The following LAIR1 variants were observed in gnomAD, a reference collection of about 807,000 sequenced individuals.
The protein encoded by LAIR1 is leukocyte-associated immunoglobulin-like receptor 1.
In LAIR1, 24 loss-of-function variants were observed where a neutral mutation model predicts 32.8. The observed-to-expected ratio is 0.73, with a 90% CI of 0.53 to 1.03. LAIR1 has a LOEUF of 1.03. Among genes scored for constraint, LAIR1 ranks in the 50% least tolerant of loss-of-function variants. LAIR1 has a pLI of 0.00. For synonymous variants in LAIR1, 150 were observed against 140.5 expected, an observed-to-expected ratio of 1.07 and a Z score of -0.48; for missense variants, 355 against 347.5, an observed-to-expected ratio of 1.02 and a Z score of -0.17.
upstream of LAIR1, among the ~76,000 whole-genome samples, chr19:54,369,258 T>C (rs2082345524): frequency 6.6e-6 from 1 of 151,488 alleles, no homozygotes; most frequent in Admixed American, 6.6e-5. Flanking sequence ...CTGCATTTAC[T>C]TCCCTCTCTG....
chr19:54,357,869 T>G (rs1396844156), intron 4 of LAIR1: 1 of 151,162 alleles, frequency 6.6e-6, no homozygotes, highest in African/African-American at 2.4e-5. Context: ...CACCACCCGT[T>G]ATTCTACACC....
chr19:54,371,153 C>G (rs905617487), upstream of LAIR1, among the ~76,000 whole-genome samples: 1 of 151,230 alleles, frequency 6.6e-6, no homozygotes, highest in Non-Finnish European at 1.5e-5. Flanking sequence ...TATACTCCAG[C>G]CTGTTTCCCC....
chr19:54,371,252 G>A (rs775864277), upstream of LAIR1, among the ~76,000 whole-genome samples: 2 of 151,120 alleles, frequency 1.3e-5, no homozygotes, highest in South Asian at 2.1e-4. Flanking sequence ...TCTCATCGAT[G>A]TACCTATTTG....
intron 4 of LAIR1, among the ~76,000 whole-genome samples, chr19:54,357,843 G>A (rs961406370): frequency 6.6e-6 from 1 of 151,772 alleles, no homozygotes; most frequent in Non-Finnish European, 1.5e-5. Flanking sequence ...CCTCGTCCAC[G>A]GTCTAAGGTC....
chr19:54,367,576 C>G (rs971072224), upstream of LAIR1, among the ~76,000 whole-genome samples: 36 of 151,274 alleles, frequency 2.4e-4, no homozygotes, highest in Admixed American at 1.6e-3. Context: ...GAAACCCCGT[C>G]TCTACTAAAA....
chr19:54,373,369 G>A (rs373529308), upstream of LAIR1, among the ~76,000 whole-genome samples: 163 of 150,910 alleles, frequency 1.1e-3, 4 homozygotes, highest in South Asian at 0.029. Context: ...GCATGAACCC[G>A]GGAGGCGGAG....
At position 54,359,282 on chromosome 19, in the gene LAIR1, G is replaced by C. The variant is rs113105978; in HGVS notation, c.415+740C>G. Among the ~76,000 whole-genome samples the C allele has an allele frequency of 1.4e-3, 218 of 151,820 alleles. 3 individuals are homozygous for C. The South Asian group carries it at 0.015, about 10-fold the overall frequency. ...CTTATGACCCCGTGTCCTCCCCTGG[G>C]AGTTTCTGGTCACAGATCACAGGGG... On this transcript the variant is annotated intron_variant, in intron 4 of 9. Transcript: ENST00000391742.
intron 2 of LAIR1, among the ~76,000 whole-genome samples, chr19:54,363,533 C>G (rs2082120921): frequency 6.6e-6 from 1 of 152,190 alleles, no homozygotes; most frequent in Non-Finnish European, 1.5e-5. Flanking sequence ...GCCGCCAAGA[C>G]CTGGCAAGAA....
At chr19:54,356,295 A>T in intron 7 of LAIR1, 28 bp from the exon 8 acceptor site, 9 of 1,611,558 alleles carry the variant, frequency 5.6e-6, no homozygotes, top group Non-Finnish European at 7.6e-6. Flanking sequence ...AGTGAACCTC[A>T]GGGGCAGCCT....
At chr19:54,374,437 G>A (rs2082468960), upstream of LAIR1, among the ~76,000 whole-genome samples, 1 of 152,080 alleles carries the variant, frequency 6.6e-6, no homozygotes. Context: ...ATGAAGGACG[G>A]GGTCCACACG....
In LAIR1 at chr19:54,355,381, A is replaced by G; in HGVS notation, c.751T>C (p.Tyr251His). 1 of 1,611,796 alleles carries G rather than the reference A, an allele frequency of 6.2e-7. No homozygotes were observed. Among genetic ancestry groups the G allele is most frequent in the Non-Finnish European group, 8.5e-7 (1 of 1,178,892 alleles). The change falls in exon 10 of 10, where the codon TAT becomes CAT. Residue 251 changes from tyrosine (Y) to histidine (H), a missense_variant. Transcript: ENST00000391742. This position sits in a 1 kb window ranked among gnomAD's most constrained non-coding sequence, Gnocchi z 4.7. The stretch of plus-strand genomic sequence containing the variant: ...AGGGCCCAGTGGTCCAGCTGAGCAT[A>G]CGTCACCTCCTGGGAACTCCCTGCA... Reference protein sequence around the residue: ...LAAGSSQEVTYAQLDHWALTQ... With the variant: ...LAAGSSQEVTHAQLDHWALTQ...
chr19:54,358,496 T>A (rs781600566), intron 4 of LAIR1: 112 of 1,554,250 alleles, frequency 7.2e-5, no homozygotes, highest in Non-Finnish European at 9.5e-5. Flanking sequence ...TGTATATGCA[T>A]GTATGGGAAT....
chr19:54,351,510 C>A lies in LAIR1; in HGVS notation c.*3758G>T, dbSNP rs2081530669. ...TCAAGTGCATACTGCTTCCCAGATCCTACAAGAAAGGAGATTAAGGTGTAG... is the reference window on the plus strand; with the variant it reads ...TCAAGTGCATACTGCTTCCCAGATCATACAAGAAAGGAGATTAAGGTGTAG... On this transcript the variant is annotated 3_prime_UTR_variant, in exon 10 of 10. Transcript: ENST00000391742. 4 of 152,284 alleles carry A rather than the reference C, an allele frequency of 2.6e-5. No homozygotes were observed. The South Asian group carries it at 8.3e-4, about 32-fold the overall frequency. The allele number at this position is 152,284 out of a possible 1,614,324, so 9.4% of individuals were successfully genotyped here. A position where few individuals can be genotyped will look rare whatever the true frequency, so the allele number is the denominator to read the frequency against.
chr19:54,360,711 A>G, intron 3 of LAIR1: 1 of 595,902 alleles, frequency 1.7e-6, no homozygotes, highest in Non-Finnish European at 3.0e-6. Context: ...CGTGGCGTCC[A>G]GAGGAGACCA....
At chr19:54,361,662 T>A (rs1012200129) in intron 2 of LAIR1, among the ~76,000 whole-genome samples, 6 of 141,490 alleles carry the variant, frequency 4.2e-5, no homozygotes, top group African/African-American at 1.5e-4. Context: ...GGTCCCCGGG[T>A]GGGACTGAGT....
chr19:54,374,119 A>G (rs1450785706), upstream of LAIR1, among the ~76,000 whole-genome samples: 4 of 152,000 alleles, frequency 2.6e-5, no homozygotes, highest in Non-Finnish European at 1.5e-5. Context: ...GAGCAGCCAC[A>G]TATTTCTGCC....
At chr19:54,375,055 T>C (rs112634373), upstream of LAIR1, among the ~76,000 whole-genome samples, 2,881 of 152,268 alleles carry the variant, frequency 0.019, 102 homozygotes, top group African/African-American at 0.064. Flanking sequence ...GGATTTACAA[T>C]GCTCAGTACG....
At chr19:54,375,863 G>A in the LAIR1 span, among the ~76,000 whole-genome samples, 3 of 151,764 alleles carry the variant, frequency 2.0e-5, no homozygotes, top group Non-Finnish European at 2.9e-5. Context: ...GTCATATATA[G>A]CATATTAACC....
At chr19:54,373,480 G>A (rs370282073), upstream of LAIR1, among the ~76,000 whole-genome samples, 141 of 152,232 alleles carry the variant, frequency 9.3e-4, 5 homozygotes, top group South Asian at 0.028. Flanking sequence ...TAAGTCGATA[G>A]ACCAATATTT....
Sources: allele counts gnomAD v4.1 joint callset (sites outside exome capture counted in the v4.1 genomes callset), GRCh38; gene constraint gnomAD v4.1.1; non-coding constraint Gnocchi (gnomAD v3.1); transcripts MANE v1.5; gene names NCBI Gene and HGNC (gene_info 2026-07-23, HGNC 2026-07-21).